SLC41A3: variants seen among roughly 807,000 people sequenced by gnomAD.
SLC41A3 encodes solute carrier family 41 member 3, also known as SLC41A1-like 2.
A neutral mutation model predicts 45.4 loss-of-function variants in SLC41A3; 44 were observed. That is an observed-to-expected ratio of 0.97 (90% CI 0.76 to 1.25). SLC41A3 has a LOEUF of 1.25. Among genes scored for constraint, SLC41A3 ranks in the 50% most tolerant of loss-of-function variants. The pLI, the probability that SLC41A3 is intolerant of heterozygous loss-of-function variation, is 0.00. For missense variants in SLC41A3, 550 were observed against 600.6 expected, an observed-to-expected ratio of 0.92 and a Z score of 0.88; for synonymous variants, 256 against 252.4, an observed-to-expected ratio of 1.01 and a Z score of -0.13.
intron 2 of SLC41A3, among the ~76,000 whole-genome samples, chr3:126,057,323 C>T (rs981353354): frequency 6.6e-6 from 1 of 152,194 alleles, no homozygotes; most frequent in African/African-American, 2.4e-5. Flanking sequence ...CTTTCTTCAG[C>T]TACAAATGTC....
chr3:126,033,282 C>T (rs1941935874), intron 4 of SLC41A3, among the ~76,000 whole-genome samples: 1 of 152,036 alleles, frequency 6.6e-6, no homozygotes, highest in Admixed American at 6.6e-5. Context: ...CTGAGAAGCA[C>T]AATTAGAGGC....
Position 126,098,944 on chromosome 3 carries a change from TTTTG to T in SLC41A3, c.-79+2481_-79+2484del, listed in dbSNP as rs1945657553. ...ACCTGGCTTTTTTTTTTTTTTTTTT[TTTTG>T]TATTTTTTTGTAGAGACGAGGTTTT... On this transcript the variant is annotated intron_variant, in intron 1 of 9. Transcript: ENST00000508835. Among the ~76,000 whole-genome samples the T allele has an allele frequency of 2.1e-5, 3 of 145,584 alleles. No homozygotes were observed. In the South Asian group the frequency reaches 6.7e-4, roughly 32 times the overall value.
chr3:126,044,380 T>G (rs1254367649), intron 3 of SLC41A3, among the ~76,000 whole-genome samples: 1 of 152,082 alleles, frequency 6.6e-6, no homozygotes, highest in Non-Finnish European at 1.5e-5. Context: ...CAATACCACA[T>G]CATCAATGAT....
intron 6 of SLC41A3, among the ~76,000 whole-genome samples, chr3:126,020,096 C>T (rs1940699120): frequency 1.3e-5 from 2 of 152,160 alleles, no homozygotes; most frequent in Admixed American, 6.5e-5. Context: ...GGACAATTAG[C>T]ACCACATGGA....
At chr3:126,056,273 T>A in intron 2 of SLC41A3, 1 of 1,524,030 alleles carries the variant, frequency 6.6e-7, no homozygotes, top group South Asian at 1.3e-5. Flanking sequence ...AGGCCCCTCA[T>A]GTCTCCAGCC....
At chr3:126,097,542 T>C (rs1945628015) in intron 1 of SLC41A3, among the ~76,000 whole-genome samples, 1 of 152,204 alleles carries the variant, frequency 6.6e-6, no homozygotes, top group Non-Finnish European at 1.5e-5. Context: ...GGGAGACTTA[T>C]AATTTTATTT....
intron 3 of SLC41A3, among the ~76,000 whole-genome samples, chr3:126,037,959 C>A (rs188325206): frequency 4.1e-4 from 62 of 152,334 alleles, no homozygotes; most frequent in Non-Finnish European, 7.2e-4. Flanking sequence ...TCCCAACATC[C>A]CTGGCTGTTC....
At position 126,026,559 on chromosome 3, in the gene SLC41A3, G is replaced by T; in HGVS notation, c.454-80C>A. 6.6e-7 allele frequency: 1 copy of T among 1,519,620 alleles called. No homozygotes were observed. Among genetic ancestry groups the T allele is most frequent in the Non-Finnish European group, 8.9e-7 (1 of 1,123,800 alleles). 94.1% of individuals were successfully genotyped at this position (1,519,620 alleles called of 1,614,324 possible). On this transcript the variant is annotated intron_variant, in intron 4 of 10. Coordinates refer to ENST00000360370, the MANE Select transcript of SLC41A3 (RefSeq NM_017836.4). The surrounding 1 kb of genome is among the most constrained non-coding windows in gnomAD (Gnocchi z 4.2). ...CCCTGCCCTTCACACCTCACTCACC[G>T]CAAGGGGCCGGGTGCCACATGCTAC... is the stretch of plus-strand genomic sequence containing the variant.
At chr3:126,048,589 C>A (rs144338575) in intron 3 of SLC41A3, among the ~76,000 whole-genome samples, 1 of 152,284 alleles carries the variant, frequency 6.6e-6, no homozygotes, top group African/African-American at 2.4e-5. Context: ...CTCTTACTTT[C>A]TTTTCCTAGT....
At chr3:126,014,121 C>A (rs1940017904) in intron 8 of SLC41A3, among the ~76,000 whole-genome samples, 1 of 152,168 alleles carries the variant, frequency 6.6e-6, no homozygotes, top group Non-Finnish European at 1.5e-5. Context: ...CCATGGAGAA[C>A]TCTCCCTAGC....
rs544040360 is a variant in SLC41A3 at position 126,075,552 on chromosome 3, A to G, written c.-27-7306T>C. On this transcript the variant is annotated intron_variant, in intron 1 of 10. Coordinates refer to ENST00000360370, the MANE Select transcript of SLC41A3 (RefSeq NM_017836.4). ...AAATGCAAGGGAACAGAAAATCCTG[A>G]AAAAAAAGAATGAAGTTGGAGAACA... 2.0e-5 allele frequency among the ~76,000 whole-genome samples: 3 copies of G among 151,814 alleles called. No individual in the cohort carries two copies. The South Asian group carries it at 6.3e-4, about 32-fold the overall frequency.
intron 2 of SLC41A3, among the ~76,000 whole-genome samples, chr3:126,059,309 AGG>A (rs1018567088): frequency 9.4e-6 from 1 of 106,404 alleles, no homozygotes; most frequent in Non-Finnish European, 2.1e-5. Context: ...AAAGAAAGAA[AGG>A]AAGGATGATC....
chr3:126,025,939 T>G, intron 5 of SLC41A3: 1 of 179,966 alleles, frequency 5.6e-6, no homozygotes. Flanking sequence ...CCAGAGCCCA[T>G]CACAGGCCTG....
intron 2 of SLC41A3, among the ~76,000 whole-genome samples, chr3:126,063,499 G>A (rs1944178564): frequency 6.6e-6 from 1 of 152,196 alleles, no homozygotes; most frequent in South Asian, 2.1e-4. Flanking sequence ...CAAGCATCAG[G>A]CAATCAACAG....
At chr3:126,020,976 G>C (rs1010503975) in intron 6 of SLC41A3, among the ~76,000 whole-genome samples, 42 of 151,408 alleles carry the variant, frequency 2.8e-4, no homozygotes, top group Admixed American at 1.4e-3. Flanking sequence ...CTCACTGCAA[G>C]CTTCGCCTCC....
At chr3:126,087,734 T>C (rs1945421379), upstream of SLC41A3, among the ~76,000 whole-genome samples, 2 of 151,888 alleles carry the variant, frequency 1.3e-5, no homozygotes, top group African/African-American at 4.8e-5. Context: ...GAACAGAAAA[T>C]TTAAGCATGT....
chr3:126,097,480 GCCCT>G (rs1559903496), intron 1 of SLC41A3, among the ~76,000 whole-genome samples: 4 of 152,208 alleles, frequency 2.6e-5, no homozygotes, highest in Non-Finnish European at 5.9e-5. Flanking sequence ...TTAAGGGGGA[GCCCT>G]ATCCTACCCC....
chr3:126,027,033 C>T (rs1941413070), intron 4 of SLC41A3, among the ~76,000 whole-genome samples: 1 of 152,218 alleles, frequency 6.6e-6, no homozygotes. Flanking sequence ...TGGACATCGA[C>T]ACTGGCACCT....
chr3:126,079,247 C>CACGA lies in SLC41A3; in HGVS notation c.-28+4845_-28+4846insTCGT, dbSNP rs1491429929. Among the ~76,000 whole-genome samples the CACGA allele has an allele frequency of 4.1e-5, 6 of 148,060 alleles. No individual in the cohort carries two copies. The East Asian group carries it at 1.2e-3, about 29-fold the overall frequency. ...ACACACACACACACACACCCACACA[C>CACGA]GATCAGGGATTTAAATTCCTTAAGG... On this transcript the variant is annotated intron_variant, in intron 1 of 10. Coordinates refer to ENST00000360370, the MANE Select transcript of SLC41A3 (RefSeq NM_017836.4).
Sources: allele counts gnomAD v4.1 joint callset (sites outside exome capture counted in the v4.1 genomes callset), GRCh38; gene constraint gnomAD v4.1.1; non-coding constraint Gnocchi (gnomAD v3.1); transcripts MANE v1.5; gene names NCBI Gene and HGNC (gene_info 2026-07-23, HGNC 2026-07-21).